DIP2C: variants seen among roughly 807,000 people sequenced by gnomAD.
The protein encoded by DIP2C is DIP2 acetate--CoA ligase C (putative), also known as disco-interacting protein 2 homolog C.
A neutral mutation model predicts 192.4 loss-of-function variants in DIP2C; 33 were observed. The ratio of observed to expected loss-of-function variants is 0.17; its 90% CI spans 0.13 to 0.23. The LOEUF (loss-of-function observed/expected upper bound fraction) is 0.23. Among genes scored for constraint, DIP2C ranks in the 10% least tolerant of loss-of-function variants. The probability of loss-of-function intolerance (pLI) is 1.00; values close to 1 mark genes in which losing one functional copy is unlikely to be tolerated. For missense variants in DIP2C, 1,537 were observed against 2,110.1 expected, an observed-to-expected ratio of 0.73 and a Z score of 5.32; for synonymous variants, 979 against 864.1, an observed-to-expected ratio of 1.13 and a Z score of -2.33.
rs953594192 is a variant in DIP2C at position 594,704 on chromosome 10, A to AG, written c.85+94789dup. Among the ~76,000 whole-genome samples the AG allele has an allele frequency of 5.9e-5, 9 of 152,264 alleles. No homozygotes were observed. The East Asian group carries it at 1.5e-3, about 26-fold the overall frequency. Reference sequence around the variant, plus strand: ...CCCAATGCTTCAACACCCCTAGTGAAGGGCAGGTCTCGTCGGCCCCCTCAG... The same window carrying AG: ...CCCAATGCTTCAACACCCCTAGTGAAGGGGCAGGTCTCGTCGGCCCCCTCAG... On this transcript the variant is annotated intron_variant, in intron 1 of 36. Coordinates refer to ENST00000280886, the MANE Select transcript of DIP2C (RefSeq NM_014974.3).
intron 1 of DIP2C, among the ~76,000 whole-genome samples, chr10:596,579 T>C (rs1359927150): frequency 2.0e-5 from 3 of 147,188 alleles, no homozygotes; most frequent in African/African-American, 5.0e-5. Flanking sequence ...AGGTATCCTA[T>C]AGGTACTTAT....
intron 1 of DIP2C, among the ~76,000 whole-genome samples, chr10:591,036 C>T (rs1021037288): frequency 6.6e-6 from 1 of 152,252 alleles, no homozygotes; most frequent in Non-Finnish European, 1.5e-5. Flanking sequence ...ACACTGCAAA[C>T]ACACATCCAA....
At chr10:673,552 G>A (rs11253317) in intron 1 of DIP2C, among the ~76,000 whole-genome samples, 107,335 of 152,212 alleles carry the variant, frequency 0.71, 43,512 homozygotes, top group Non-Finnish European at 0.89. Flanking sequence ...CCGCTCAGTC[G>A]CCGTGTGCTG....
intron 1 of DIP2C, among the ~76,000 whole-genome samples, chr10:657,706 C>G (rs111170463): frequency 9.6e-6 from 1 of 104,052 alleles, no homozygotes; most frequent in Non-Finnish European, 2.0e-5. Context: ...ACTGGACCTG[C>G]CCCTGGACCT....
At chr10:280,663 C>A (rs1954772767) in intron 36 of DIP2C, among the ~76,000 whole-genome samples, 1 of 152,230 alleles carries the variant, frequency 6.6e-6, no homozygotes, top group South Asian at 2.1e-4. Flanking sequence ...GCCTCAGAGT[C>A]CTCACCTGGG....
At chr10:283,056 G>C (rs1281364534) in intron 35 of DIP2C, among the ~76,000 whole-genome samples, 1 of 152,262 alleles carries the variant, frequency 6.6e-6, no homozygotes, top group Non-Finnish European at 1.5e-5. Context: ...TCTCAGGACA[G>C]GACAGGGTAT....
intron 1 of DIP2C, among the ~76,000 whole-genome samples, chr10:598,766 G>A (rs1009173494): frequency 1.3e-5 from 2 of 152,218 alleles, no homozygotes; most frequent in African/African-American, 4.8e-5. Flanking sequence ...TTTGGCATCT[G>A]AATGTGGTCT....
At chr10:389,891 T>G in intron 13 of DIP2C, 100 bp downstream of exon 13, 1 of 943,884 alleles carries the variant, frequency 1.1e-6, no homozygotes. Flanking sequence ...GGCACAAACT[T>G]CACGCTATTT....
chr10:349,818 G>A (rs1405915937), intron 24 of DIP2C, among the ~76,000 whole-genome samples: 1 of 152,160 alleles, frequency 6.6e-6, no homozygotes, highest in Non-Finnish European at 1.5e-5. Context: ...TGGGCAGTGG[G>A]AATTCCTAGT....
At chr10:532,452 C>T (rs1019986898) in intron 1 of DIP2C, among the ~76,000 whole-genome samples, 2 of 152,218 alleles carry the variant, frequency 1.3e-5, no homozygotes, top group Admixed American at 1.3e-4. Context: ...TACCTTAGAG[C>T]AACCAAAACA....
At chr10:399,276 G>A (rs1964228676) in intron 9 of DIP2C, 57 bp from the exon 10 acceptor site, 7 of 1,414,542 alleles carry the variant, frequency 4.9e-6, no homozygotes, top group Middle Eastern at 1.8e-4. Flanking sequence ...TTCCTAAGAC[G>A]CCACGGAAGA....
intron 2 of DIP2C, among the ~76,000 whole-genome samples, chr10:483,484 T>G (rs1203966057): frequency 6.6e-6 from 1 of 152,212 alleles, no homozygotes; most frequent in Non-Finnish European, 1.5e-5. Context: ...ACAGCCTCGC[T>G]GGGGCCCTAG....
In DIP2C at chr10:368,282, C is replaced by T. The variant is rs555443980; in HGVS notation, c.2131+1212G>A. On this transcript the variant is annotated intron_variant, in intron 18 of 36. Coordinates refer to ENST00000280886, the MANE Select transcript of DIP2C (RefSeq NM_014974.3). ...CTCTGACAGGGGCCTGGGAAGCCCG[C>T]GGTTGTTCTCACAGTCACAAAGGAG... is the stretch of plus-strand genomic sequence containing the variant. Among the ~76,000 whole-genome samples, 105 of 152,332 alleles carry T rather than the reference C, an allele frequency of 6.9e-4. 1 individual carries two copies. Among genetic ancestry groups the T allele is most frequent in the Admixed American group, 1.7e-3 (26 of 15,274 alleles).
Position 590,316 on chromosome 10 carries a change from A to C in DIP2C, c.85+99178T>G, listed in dbSNP as rs374224463. 1.4e-3 allele frequency among the ~76,000 whole-genome samples: 220 copies of C among 152,356 alleles called. 4 individuals are homozygous for C. In the South Asian group the frequency reaches 0.018, roughly 12 times the overall value. ...ACAGCACCTTCGAGTCAAGTGGGAC[A>C]AACTGACTCAAAATACAGCTTCTAA... On this transcript the variant is annotated intron_variant, in intron 1 of 36. Transcript: ENST00000280886.
At chr10:292,482 C>A (rs543570016) in intron 32 of DIP2C, among the ~76,000 whole-genome samples, 1 of 152,222 alleles carries the variant, frequency 6.6e-6, no homozygotes, top group Non-Finnish European at 1.5e-5. Context: ...AGAGAGTTGA[C>A]ATGAGGGAAC....
intron 1 of DIP2C, chr10:650,407 C>A (rs565810003): frequency 2.9e-5 from 21 of 715,390 alleles, no homozygotes; most frequent in African/African-American, 2.6e-4. Context: ...CAGACCAACA[C>A]GAGAAGAACG....
intron 1 of DIP2C, among the ~76,000 whole-genome samples, chr10:553,847 C>T (rs1452483403): frequency 4.0e-5 from 6 of 149,716 alleles, no homozygotes; most frequent in Admixed American, 1.3e-4. Context: ...TAGGAAAAAA[C>T]GTATACGCTT....
intron 14 of DIP2C, among the ~76,000 whole-genome samples, chr10:387,358 T>G (rs553419649): frequency 6.6e-6 from 1 of 152,322 alleles, no homozygotes; most frequent in South Asian, 2.1e-4. Context: ...GATTTTCTGC[T>G]TCACAGTGTG....
chr10:326,919 C>T lies in DIP2C; in HGVS notation c.3924+87G>A, dbSNP rs758480450. The T allele has an allele frequency of 8.2e-5, 121 of 1,477,090 alleles. 1 individual carries two copies. The highest frequency in any genetic ancestry group is 2.1e-4 in the Admixed American group (10 of 46,722). 91.5% of individuals were successfully genotyped at this position (1,477,090 alleles called of 1,614,324 possible). Reference sequence around the variant, plus strand: ...CTTCTGGATGTAGCTAAGCATCAGCCGAGGGAGACGAGTGGAGCCAGTCTG... The same window carrying T: ...CTTCTGGATGTAGCTAAGCATCAGCTGAGGGAGACGAGTGGAGCCAGTCTG... On this transcript the variant is annotated intron_variant, in intron 31 of 36. Coordinates refer to ENST00000280886, the MANE Select transcript of DIP2C (RefSeq NM_014974.3).
Sources: gnomAD v4.1 joint callset for allele counts (sites outside exome capture counted in the v4.1 genomes callset) on GRCh38, gnomAD v4.1.1 for gene constraint, MANE v1.5 for transcripts, NCBI Gene and HGNC (gene_info 2026-07-23, HGNC 2026-07-21) for gene names.